Variants in FDPS observed in about 807,000 individuals in gnomAD.
FDPS encodes farnesyl diphosphate synthase.
FDPS carries 29 observed loss-of-function variants against 49.5 expected under a neutral mutation model. That is an observed-to-expected ratio of 0.59 (90% confidence interval 0.44 to 0.80). The LOEUF (loss-of-function observed/expected upper bound fraction) is 0.80, where lower values mean the gene tolerates loss of function less well. Among genes scored for constraint, FDPS ranks in the 30% least tolerant of loss-of-function variants. FDPS has a pLI of 0.00. For missense variants in FDPS, 414 were observed against 525.6 expected (o/e 0.79, Z 2.08); for synonymous variants, 172 against 206.4 (o/e 0.83, Z 1.43).
At chr1:155,311,500 A>T (rs1214174361) in intron 3 of FDPS, among the ~76,000 whole-genome samples, 1 of 152,068 alleles carries the variant, frequency 6.6e-6, no homozygotes, top group African/African-American at 2.4e-5. Context: ...ATAATGAAGG[A>T]GGCTTTTCAT....
intron 10 of FDPS, 55 bp from the exon 11 acceptor site, chr1:155,320,354 C>A (rs541167373): frequency 3.9e-4 from 566 of 1,458,968 alleles, no homozygotes; most frequent in Non-Finnish European, 4.9e-4. Flanking sequence ...GTGGAGGGGT[C>A]CTGGAGGCTC....
chr1:155,309,121 C>T (rs1183004685), intron 1 of FDPS, 156 bp downstream of exon 1: 1 of 152,522 alleles, frequency 6.6e-6, no homozygotes, highest in African/African-American at 2.4e-5. Flanking sequence ...GTGGAGACTT[C>T]CCAACTCTGC....
At position 155,318,292 on chromosome 1, in the gene FDPS, G is replaced by T. The variant is rs769193201; in HGVS notation, c.684+1G>T. The stretch of plus-strand genomic sequence containing the variant: ...GAACCTGATCGAGCTCTTCCTGCAG[G>T]TGTATTGCAGACAGGGCCCGATGCC... On this transcript the variant is annotated splice_donor_variant, in intron 6 of 10. Transcript: ENST00000368356. LOFTEE classifies it high-confidence loss of function. This position sits in a 1 kb window ranked among gnomAD's most constrained non-coding sequence, Gnocchi z 4.2. 1 of 1,610,564 alleles carries T rather than the reference G, an allele frequency of 6.2e-7. No homozygotes were observed. Among genetic ancestry groups the T allele is most frequent in the Admixed American group, 1.7e-5 (1 of 60,020 alleles).
chr1:155,317,926 T>C lies in FDPS; in HGVS notation c.481-15T>C, dbSNP rs1649663496. ...GTAATGAGGAGCCCTGCAGGTCTTATTCCACTCTTTCTAGCTGCAAGCTTT... is the reference window on the plus strand; with the variant it reads ...GTAATGAGGAGCCCTGCAGGTCTTACTCCACTCTTTCTAGCTGCAAGCTTT... On this transcript the variant is annotated splice_polypyrimidine_tract_variant and intron_variant, in intron 4 of 10. Coordinates refer to ENST00000368356, the MANE Select transcript of FDPS (RefSeq NM_002004.4). The C allele has an allele frequency of 1.2e-6, 2 of 1,610,148 alleles. No homozygotes were observed. The highest frequency in any genetic ancestry group is 2.7e-5 in the African/African-American group (2 of 74,844).
intron 8 of FDPS, 80 bp downstream of exon 8, chr1:155,319,008 A>C: frequency 9.9e-7 from 1 of 1,011,132 alleles, no homozygotes; most frequent in South Asian, 1.3e-5. Flanking sequence ...AAACGTGAAC[A>C]CTGCTACCCC....
intron 4 of FDPS, chr1:155,317,623 C>A (rs1038911538): frequency 9.6e-6 from 2 of 208,520 alleles, no homozygotes; most frequent in Admixed American, 1.1e-4. Context: ...ATCATTTGAA[C>A]CCAGGGGTTC....
chr1:155,319,703 G>T lies in FDPS; in HGVS notation c.924+15G>T. ...TTCAGATTCAGGTAAGAAGGCAGGA[G>T]GCAGTAGCAGAGAACAGGCACCAGC... is the stretch of plus-strand genomic sequence containing the variant. On this transcript the variant is annotated intron_variant, in intron 9 of 10. Coordinates refer to ENST00000368356, the MANE Select transcript of FDPS (RefSeq NM_002004.4). The T allele has an allele frequency of 6.2e-7, 1 of 1,614,208 alleles. No homozygotes were observed. The highest frequency in any genetic ancestry group is 8.5e-7 in the Non-Finnish European group (1 of 1,180,018).
intron 4 of FDPS, among the ~76,000 whole-genome samples, chr1:155,315,895 C>A (rs1432772025): frequency 6.7e-6 from 1 of 149,586 alleles, no homozygotes; most frequent in Non-Finnish European, 1.5e-5. Context: ...CAAACCATGT[C>A]TTCTGCTCAA....
In FDPS at chr1:155,309,888, C is replaced by T. The variant is rs1648603814; in HGVS notation, c.99C>T (p.Pro33=). The change falls in exon 2 of 11, where the codon CCC becomes CCT. Residue 33 remains proline, a synonymous_variant. Coordinates refer to ENST00000368356, the MANE Select transcript of FDPS (RefSeq NM_002004.4). The part of the protein sequence containing the change: ...RERWLGSLRR[P]SLVHGYPVLA... ...GGTGGCTGGGTTCCCTACGGCGGCC[C>T]TCCCTGGTGCACGGGTACCCAGTCC... The T allele has an allele frequency of 6.3e-7, 1 of 1,593,780 alleles. No homozygotes were observed. The highest frequency in any genetic ancestry group is 8.6e-7 in the Non-Finnish European group (1 of 1,169,236).
In FDPS at chr1:155,319,780, C is replaced by T; in HGVS notation, c.925-14C>T. 1 of 1,614,146 alleles carries T rather than the reference C, an allele frequency of 6.2e-7. No individual in the cohort carries two copies. The highest frequency in any genetic ancestry group is 8.5e-7 in the Non-Finnish European group (1 of 1,180,010). The stretch of plus-strand genomic sequence containing the variant: ...CATCCTTCCTCTTTTGCTGCCCTCC[C>T]CCTCCCTGCCCAGGATGATTACCTT... On this transcript the variant is annotated splice_polypyrimidine_tract_variant and intron_variant, in intron 9 of 10. Transcript: ENST00000368356.
chr1:155,309,695 G>C, intron 1 of FDPS, 94 bp from the exon 2 acceptor site: 1 of 1,157,948 alleles, frequency 8.6e-7, no homozygotes, highest in Non-Finnish European at 1.2e-6. Flanking sequence ...TAAGGCTGGG[G>C]TGGGAGTTAT....
chr1:155,318,562 A>C lies in FDPS; in HGVS notation c.685-103A>C, dbSNP rs1238743131. On this transcript the variant is annotated intron_variant, in intron 6 of 10. Transcript: ENST00000368356. The surrounding 1 kb of genome is among the most constrained non-coding windows in gnomAD (Gnocchi z 4.2). ...TTTCTCCCCTTCTGTTGCCTTTCTG[A>C]TTCTGCCCAGTTGTCAGCTGGTATG... 5.1e-6 allele frequency: 5 copies of C among 977,190 alleles called. No individual in the cohort carries two copies. Among genetic ancestry groups the C allele is most frequent in the African/African-American group, 1.6e-5 (1 of 61,492 alleles). The allele number at this position is 977,190 out of a possible 1,614,324, so 60.5% of individuals were successfully genotyped here. A position where few individuals can be genotyped will look rare whatever the true frequency, so the allele number is the denominator to read the frequency against.
In FDPS at chr1:155,319,665, A is replaced by C; in HGVS notation, c.901A>C (p.Met301Leu). The change falls in exon 9 of 11, where the codon ATG (methionine) becomes CTG (leucine). Residue 301 changes from methionine to leucine, a missense_variant. Coordinates refer to ENST00000368356, the MANE Select transcript of FDPS (RefSeq NM_002004.4). ...CAATGCCAAGAAGATCCTGCTGGAG[A>C]TGGGGGAGTTCTTTCAGATTCAGGT... ...HANAKKILLE[M>L]GEFFQIQDDY... 1.9e-6 allele frequency: 3 copies of C among 1,614,156 alleles called. No individual in the cohort carries two copies. The highest frequency in any genetic ancestry group is 2.5e-6 in the Non-Finnish European group (3 of 1,180,014).
At chr1:155,312,027 A>G (rs767843796) in intron 3 of FDPS, among the ~76,000 whole-genome samples, 77 of 152,242 alleles carry the variant, frequency 5.1e-4, no homozygotes, top group Non-Finnish European at 6.8e-4. Flanking sequence ...TTACTAGGGT[A>G]GACCATGCAG....
chr1:155,314,643 T>A (rs1314084807), intron 4 of FDPS, among the ~76,000 whole-genome samples: 6 of 151,970 alleles, frequency 3.9e-5, no homozygotes, highest in African/African-American at 1.4e-4. Flanking sequence ...CCCGGCTTTT[T>A]AAATAGTTTT....
rs756269193 is a variant in FDPS, at chr1:155,320,576, G to A, written c.1227G>A (p.Gly409=). The change falls in exon 11 of 11, where the codon GGG becomes GGA. Residue 409 remains glycine (G), a synonymous_variant. Coordinates refer to ENST00000368356, the MANE Select transcript of FDPS (RefSeq NM_002004.4). ...CCCTGCCCCCAGCCGTCTTTCTGGG[G>A]CTTGCGCGCAAAATCTACAAGCGGA... ...AAPLPPAVFL[G]LARKIYKRRK is the part of the protein sequence containing the mutation. 7.4e-6 allele frequency: 12 copies of A among 1,614,060 alleles called. No homozygotes were observed. Among genetic ancestry groups the A allele is most frequent in the East Asian group, 4.5e-5 (2 of 44,900 alleles).
Position 155,318,619 on chromosome 1 carries a change from A to G in FDPS, c.685-46A>G. On this transcript the variant is annotated intron_variant, in intron 6 of 10. Transcript: ENST00000368356. This position sits in a 1 kb window ranked among gnomAD's most constrained non-coding sequence, Gnocchi z 4.2. ...TGGGCTTGGGATACCAGGGTTTCGC[A>G]TATCTGGAGAAAGCCTGGCTCATGG... The G allele has an allele frequency of 7.0e-7, 1 of 1,427,952 alleles. No individual in the cohort carries two copies. The highest frequency in any genetic ancestry group is 9.9e-7 in the Non-Finnish European group (1 of 1,011,022). 88.5% of individuals were successfully genotyped at this position (1,427,952 alleles called of 1,614,324 possible). A position where few individuals can be genotyped will look rare whatever the true frequency, so the allele number is the denominator to read the frequency against.
Position 155,318,064 on chromosome 1 carries a change from A to G in FDPS, c.561+43A>G. 6.2e-7 allele frequency: 1 copy of G among 1,612,166 alleles called. No individual in the cohort carries two copies. Among genetic ancestry groups the G allele is most frequent in the East Asian group, 2.2e-5 (1 of 44,870 alleles). On this transcript the variant is annotated intron_variant, in intron 5 of 10. Transcript: ENST00000368356. The surrounding 1 kb of genome is among the most constrained non-coding windows in gnomAD (Gnocchi z 4.2). ...ATAGCAGTGGGTATGGGGACAGGCCACAGGGAGGTGGTTATATATGGCCTG... is the reference window on the plus strand; with the variant it reads ...ATAGCAGTGGGTATGGGGACAGGCCGCAGGGAGGTGGTTATATATGGCCTG...
At chr1:155,309,320 T>C (rs1184507927) in intron 1 of FDPS, 1 of 153,154 alleles carries the variant, frequency 6.5e-6, no homozygotes, top group Non-Finnish European at 1.5e-5. Flanking sequence ...CTCGCTCCAA[T>C]GCTTCTTTCC....
Sources: gnomAD v4.1 joint callset for allele counts (sites outside exome capture counted in the v4.1 genomes callset) on GRCh38, gnomAD v4.1.1 for gene constraint, Gnocchi (gnomAD v3.1) non-coding constraint, MANE v1.5 for transcripts, NCBI Gene and HGNC (gene_info 2026-07-23, HGNC 2026-07-21) for gene names.